The following KCNB2 variants were observed in gnomAD, a reference collection of about 807,000 sequenced individuals.
KCNB2 encodes delayed rectifier potassium channel protein.
Under a neutral mutation model 61.5 loss-of-function variants are expected in KCNB2, and 15 were observed. That is an observed-to-expected ratio of 0.24 (90% CI 0.16 to 0.38). The LOEUF (loss-of-function observed/expected upper bound fraction) is 0.38. Ranked by LOEUF, KCNB2 falls within the 10% of genes least tolerant of loss-of-function variation. The pLI is 1.00. For missense variants in KCNB2, 828 were observed against 1,125.2 expected (o/e 0.74, Z 3.78); for synonymous variants, 457 against 446.0 (o/e 1.02, Z -0.31).
intron 2 of KCNB2, among the ~76,000 whole-genome samples, chr8:72,923,103 A>G (rs1806556121): frequency 1.3e-5 from 2 of 152,056 alleles, no homozygotes; most frequent in South Asian, 4.2e-4. Context: ...AGTTTGTCCA[A>G]AAACCTGGAA....
intron 2 of KCNB2, among the ~76,000 whole-genome samples, chr8:72,766,403 T>C (rs1808461185): frequency 6.6e-6 from 1 of 152,182 alleles, no homozygotes; most frequent in South Asian, 2.1e-4. Flanking sequence ...GTCCACCAGA[T>C]GTTTATAAGT....
intron 2 of KCNB2, among the ~76,000 whole-genome samples, chr8:72,703,288 C>A (rs560515784): frequency 1.3e-5 from 2 of 152,278 alleles, no homozygotes; most frequent in Admixed American, 6.5e-5. Context: ...TTCTGGGAAG[C>A]CTCTCAAAGA....
At chr8:72,600,475 G>T (rs1284508565) in intron 2 of KCNB2, among the ~76,000 whole-genome samples, 1 of 151,968 alleles carries the variant, frequency 6.6e-6, no homozygotes, top group Non-Finnish European at 1.5e-5. Flanking sequence ...GATAGCATTA[G>T]GAGATATACC....
chr8:72,934,517 G>A (rs1806861774), intron 2 of KCNB2, among the ~76,000 whole-genome samples: 1 of 151,712 alleles, frequency 6.6e-6, no homozygotes, highest in African/African-American at 2.4e-5. Flanking sequence ...GGAGGAAGAA[G>A]TAAGAAGTCC....
intron 2 of KCNB2, among the ~76,000 whole-genome samples, chr8:72,902,780 C>G (rs1236075803): frequency 6.6e-6 from 1 of 152,090 alleles, no homozygotes; most frequent in African/African-American, 2.4e-5. Flanking sequence ...GTATTACTGA[C>G]TTGTTCTGTG....
intron 2 of KCNB2, among the ~76,000 whole-genome samples, chr8:72,806,421 C>T (rs1184471182): frequency 1.4e-5 from 2 of 146,744 alleles, no homozygotes. Flanking sequence ...TCCTGGCTAA[C>T]ATGGTAAAAC....
chr8:72,546,513 T>G (rs1366641882), intron 1 of KCNB2, among the ~76,000 whole-genome samples: 2 of 141,742 alleles, frequency 1.4e-5, no homozygotes, highest in Non-Finnish European at 3.1e-5. Flanking sequence ...CAAGACTCTG[T>G]GTCAAAAAAA....
intron 2 of KCNB2, among the ~76,000 whole-genome samples, chr8:72,578,771 A>T (rs1247831677): frequency 6.6e-6 from 1 of 152,230 alleles, no homozygotes; most frequent in East Asian, 1.9e-4. Context: ...TTATAATTGA[A>T]AAAAAACTGT....
At chr8:72,626,635 T>C (rs748211902) in intron 2 of KCNB2, among the ~76,000 whole-genome samples, 3 of 152,196 alleles carry the variant, frequency 2.0e-5, no homozygotes, top group Non-Finnish European at 4.4e-5. Context: ...TTGTCCCCAT[T>C]GAATAGAAGA....
chr8:72,776,001 T>A (rs772937173), intron 2 of KCNB2, among the ~76,000 whole-genome samples: 24 of 152,218 alleles, frequency 1.6e-4, no homozygotes, highest in Admixed American at 2.6e-4. Flanking sequence ...GGAACCAACC[T>A]AAATGTCCAT....
chr8:72,937,107 G>A lies in KCNB2; in HGVS notation c.1752G>A (p.Glu584=), dbSNP rs1563430976. The A allele has an allele frequency of 6.2e-7, 1 of 1,614,166 alleles. No homozygotes were observed. Among genetic ancestry groups the A allele is most frequent in the Non-Finnish European group, 8.5e-7 (1 of 1,180,030 alleles). Reference sequence around the variant, plus strand: ...TGGAAGAAGTGGTGTGTCCACAGGAGCAGCTGGCCGTGGCACAGACCGAGG... The same window carrying A: ...TGGAAGAAGTGGTGTGTCCACAGGAACAGCTGGCCGTGGCACAGACCGAGG... ...IEMEEVVCPQ[E]QLAVAQTEVI... The change falls in exon 3 of 3, where the codon GAG becomes GAA. Residue 584 remains glutamate, a synonymous_variant. Coordinates refer to ENST00000523207, the MANE Select transcript of KCNB2 (RefSeq NM_004770.3).
chr8:72,539,285 A>G (rs1806158513), intron 1 of KCNB2, among the ~76,000 whole-genome samples: 1 of 152,222 alleles, frequency 6.6e-6, no homozygotes, highest in Admixed American at 6.5e-5. Flanking sequence ...TAAAGTGCTT[A>G]CTTGTGTGAT....
chr8:72,595,094 A>G (rs111562863), intron 2 of KCNB2, among the ~76,000 whole-genome samples: 182 of 152,138 alleles, frequency 1.2e-3, no homozygotes, highest in African/African-American at 3.8e-3. Flanking sequence ...CTGTCACACA[A>G]TGGAGAACAA....
chr8:72,620,629 A>T (rs564224634), intron 2 of KCNB2, among the ~76,000 whole-genome samples: 1 of 151,728 alleles, frequency 6.6e-6, no homozygotes, highest in East Asian at 1.9e-4. Context: ...TTTTTTTGAG[A>T]TGGAGTTTCG....
chr8:72,553,834 G>A (rs1297588690), intron 1 of KCNB2, among the ~76,000 whole-genome samples: 1 of 151,938 alleles, frequency 6.6e-6, no homozygotes, highest in Non-Finnish European at 1.5e-5. Flanking sequence ...CTATTTTATT[G>A]CAGGCATTTT....
intron 2 of KCNB2, among the ~76,000 whole-genome samples, chr8:72,928,092 T>G (rs559373355): frequency 6.6e-6 from 1 of 152,164 alleles, no homozygotes; most frequent in Non-Finnish European, 1.5e-5. Flanking sequence ...TTCCAAGTAT[T>G]CAAAATCTGT....
intron 2 of KCNB2, among the ~76,000 whole-genome samples, chr8:72,636,260 G>A (rs1805964022): frequency 6.6e-6 from 1 of 152,124 alleles, no homozygotes; most frequent in Non-Finnish European, 1.5e-5. Flanking sequence ...TTATGTGAAA[G>A]AGTCCAGCAA....
rs565375042 is a variant in KCNB2 at position 72,755,149 on chromosome 8, C to G, written c.580-180786C>G. Among the ~76,000 whole-genome samples, 324 of 152,216 alleles carry G rather than the reference C, an allele frequency of 2.1e-3. 2 individuals carry two copies. Among genetic ancestry groups the G allele is most frequent in the African/African-American group, 7.6e-3 (315 of 41,538 alleles). ...AATTGAGGGGTGTTCTATAAAATAACTGACCAGTACATCTTAAAATTATTA... is the reference window on the plus strand; with the variant it reads ...AATTGAGGGGTGTTCTATAAAATAAGTGACCAGTACATCTTAAAATTATTA... On this transcript the variant is annotated intron_variant, in intron 2 of 2. Coordinates refer to ENST00000523207, the MANE Select transcript of KCNB2 (RefSeq NM_004770.3).
intron 1 of KCNB2, among the ~76,000 whole-genome samples, chr8:72,559,849 A>G (rs1214875893): frequency 6.6e-6 from 1 of 152,228 alleles, no homozygotes; most frequent in African/African-American, 2.4e-5. Flanking sequence ...AGACTTGTGT[A>G]TAGACAACTA....
Sources: allele counts gnomAD v4.1 joint callset (sites outside exome capture counted in the v4.1 genomes callset), GRCh38; gene constraint gnomAD v4.1.1; transcripts MANE v1.5; gene names NCBI Gene and HGNC (gene_info 2026-07-23, HGNC 2026-07-21).